STX1A: variants seen among roughly 807,000 people sequenced by gnomAD.
The protein encoded by STX1A is syntaxin-1A.
A neutral mutation model predicts 37.8 loss-of-function variants in STX1A; 4 were observed. That is an observed-to-expected ratio of 0.11 (90% CI 0.05 to 0.24). STX1A has a LOEUF of 0.24. STX1A is among the 10% of genes least tolerant of loss of function. The probability of loss-of-function intolerance (pLI) is 1.00; values close to 1 mark genes in which losing one functional copy is unlikely to be tolerated. For synonymous variants in STX1A, 135 were observed against 147.4 expected (o/e 0.92, Z 0.61); for missense variants, 251 against 399.9 (o/e 0.63, Z 3.18).
rs1281265432 is a variant in STX1A, at chr7:73,709,404, C to T, written c.31-282G>A. 1.3e-5 allele frequency among the ~76,000 whole-genome samples: 2 copies of T among 152,176 alleles called. No individual in the cohort carries two copies. Among genetic ancestry groups the T allele is most frequent in the Admixed American group, 1.3e-4 (2 of 15,280 alleles). On this transcript the variant is annotated intron_variant, in intron 1 of 9. Transcript: ENST00000222812. This position sits in a 1 kb window ranked among gnomAD's most constrained non-coding sequence, Gnocchi z 4.2. The stretch of plus-strand genomic sequence containing the variant: ...CTTCCTCCCTCACCTATCTGCCTGC[C>T]CCCTCCCTGTGGCTGGGGAGGCAAG...
chr7:73,719,581 G>A, intron 1 of STX1A, 21 bp downstream of exon 1: 1 of 1,207,868 alleles, frequency 8.3e-7, no homozygotes. Flanking sequence ...GCGGGCGGCC[G>A]CGCGCTGGGG....
In STX1A at chr7:73,705,825, G is replaced by A. The variant is rs1345905045; in HGVS notation, c.209-601C>T. ...GGTGGGCGCTGATGTGGGCCCTCAGGTCCAAAGAGGTGGGCACAGTTGGCC... is the reference window on the plus strand; with the variant it reads ...GGTGGGCGCTGATGTGGGCCCTCAGATCCAAAGAGGTGGGCACAGTTGGCC... On this transcript the variant is annotated intron_variant, in intron 3 of 9. Transcript: ENST00000222812. The surrounding 1 kb of genome is among the most constrained non-coding windows in gnomAD (Gnocchi z 5.2). 14 of 154,248 alleles carry A rather than the reference G, an allele frequency of 9.1e-5. No homozygotes were observed. The highest frequency in any genetic ancestry group is 3.4e-4 in the African/African-American group (14 of 41,454). 9.6% of individuals were successfully genotyped at this position (154,248 alleles called of 1,614,324 possible). A position where few individuals can be genotyped will look rare whatever the true frequency, so the allele number is the denominator to read the frequency against.
chr7:73,717,560 C>T lies in STX1A; in HGVS notation c.30+2042G>A, dbSNP rs1421741512. Among the ~76,000 whole-genome samples the T allele has an allele frequency of 6.6e-6, 1 of 152,154 alleles. No homozygotes were observed. Among genetic ancestry groups the T allele is most frequent in the Admixed American group, 6.5e-5 (1 of 15,282 alleles). Reference sequence around the variant, plus strand: ...CAGTGGCCCCACCAAGACTGACTGTCTCACCCCACCCCGGGTGGGCTCCTG... The same window carrying T: ...CAGTGGCCCCACCAAGACTGACTGTTTCACCCCACCCCGGGTGGGCTCCTG... On this transcript the variant is annotated intron_variant, in intron 1 of 9. Coordinates refer to ENST00000222812, the MANE Select transcript of STX1A (RefSeq NM_004603.4). This position sits in a 1 kb window ranked among gnomAD's most constrained non-coding sequence, Gnocchi z 4.1.
At chr7:73,716,431 T>C (rs578150981) in intron 1 of STX1A, 18 of 152,480 alleles carry the variant, frequency 1.2e-4, no homozygotes, top group African/African-American at 3.6e-4. Flanking sequence ...CAGGCCTGCC[T>C]GGGCTGCTCC....
At chr7:73,718,080 A>G (rs1367604630) in intron 1 of STX1A, among the ~76,000 whole-genome samples, 1 of 152,096 alleles carries the variant, frequency 6.6e-6, no homozygotes, top group Non-Finnish European at 1.5e-5. Flanking sequence ...ACATCAGCAC[A>G]TTACACCACA....
intron 1 of STX1A, among the ~76,000 whole-genome samples, chr7:73,714,354 C>T (rs1554618389): frequency 6.6e-6 from 1 of 152,000 alleles, no homozygotes; most frequent in African/African-American, 2.4e-5. Context: ...GTGATCCACC[C>T]GCCTCGGTCT....
intron 1 of STX1A, among the ~76,000 whole-genome samples, chr7:73,711,926 G>A (rs1212528915): frequency 6.6e-6 from 1 of 152,076 alleles, no homozygotes; most frequent in Non-Finnish European, 1.5e-5. Context: ...CCAGGCATCC[G>A]GCCAGCTCTG....
intron 1 of STX1A, among the ~76,000 whole-genome samples, chr7:73,712,794 CTTTTT>C (rs1563577977): frequency 6.6e-6 from 1 of 152,122 alleles, no homozygotes; most frequent in African/African-American, 2.4e-5. Context: ...CTAGATTTTT[CTTTTT>C]AAGTATTCCT....
intron 3 of STX1A, among the ~76,000 whole-genome samples, chr7:73,708,262 CAAAAAAA>C (rs1157786155): frequency 6.0e-5 from 3 of 49,798 alleles, no homozygotes; most frequent in Non-Finnish European, 8.3e-5. Flanking sequence ...GACTCCATCT[CAAAAAAA>C]AAAAAAAAAA....
At position 73,706,472 on chromosome 7, in the gene STX1A, G is replaced by A. The variant is rs531055287; in HGVS notation, c.209-1248C>T. On this transcript the variant is annotated intron_variant, in intron 3 of 9. Transcript: ENST00000222812. This position sits in a 1 kb window ranked among gnomAD's most constrained non-coding sequence, Gnocchi z 4.6. ...TGAGACTTCTCCTTAACTCTGTGCC[G>A]CCTGTGCCCTAGAACCCCCAACATG... Among the ~76,000 whole-genome samples, 3 of 152,096 alleles carry A rather than the reference G, an allele frequency of 2.0e-5. No homozygotes were observed. Among genetic ancestry groups the A allele is most frequent in the East Asian group, 1.9e-4 (1 of 5,152 alleles).
chr7:73,707,995 G>T (rs1183281347), intron 3 of STX1A, among the ~76,000 whole-genome samples: 1 of 151,654 alleles, frequency 6.6e-6, no homozygotes, highest in African/African-American at 2.4e-5. Context: ...GCTGGGCGCG[G>T]TGGCTCATGC....
At chr7:73,701,658 T>G (rs1460921722) in intron 8 of STX1A, among the ~76,000 whole-genome samples, 5 of 152,102 alleles carry the variant, frequency 3.3e-5, no homozygotes, top group African/African-American at 1.2e-4. Flanking sequence ...CTAGGGCGTG[T>G]CTCCCTCTCC....
chr7:73,714,303 T>G (rs1799208304), intron 1 of STX1A, among the ~76,000 whole-genome samples: 1 of 152,104 alleles, frequency 6.6e-6, no homozygotes, highest in Non-Finnish European at 1.5e-5. Context: ...AGACGGGGTT[T>G]CACCATGTTG....
intron 1 of STX1A, among the ~76,000 whole-genome samples, chr7:73,711,011 C>CAGGG (rs1799082368): frequency 6.6e-6 from 1 of 150,800 alleles, no homozygotes; most frequent in African/African-American, 2.4e-5. Context: ...TTGATTGAGA[C>CAGGG]AGGGTCTCGC....
chr7:73,705,768 C>T lies in STX1A; in HGVS notation c.209-544G>A, dbSNP rs1011240492. Reference sequence around the variant, plus strand: ...GCCTCCCTGGGTGCTAAGTACCTGGCGGGCGGAAGAGGGCAAGGGGTGGAT... The same window carrying T: ...GCCTCCCTGGGTGCTAAGTACCTGGTGGGCGGAAGAGGGCAAGGGGTGGAT... On this transcript the variant is annotated intron_variant, in intron 3 of 9. Transcript: ENST00000222812. The surrounding 1 kb of genome is among the most constrained non-coding windows in gnomAD (Gnocchi z 5.2). 31 of 155,472 alleles carry T rather than the reference C, an allele frequency of 2.0e-4. No individual in the cohort carries two copies. Among genetic ancestry groups the T allele is most frequent in the South Asian group, 1.2e-3 (6 of 5,046 alleles). The allele number at this position is 155,472 out of a possible 1,614,324, so 9.6% of individuals were successfully genotyped here. A position where few individuals can be genotyped will look rare whatever the true frequency, so the allele number is the denominator to read the frequency against.
rs192036629 is a variant in STX1A, at chr7:73,702,600, C to T, written c.678+245G>A. 399 of 1,218,798 alleles carry T rather than the reference C, an allele frequency of 3.3e-4. 4 individuals are homozygous for T. In the Middle Eastern group the frequency reaches 4.0e-3, roughly 12 times the overall value. 75.5% of individuals were successfully genotyped at this position (1,218,798 alleles called of 1,614,324 possible). A position where few individuals can be genotyped will look rare whatever the true frequency, so the allele number is the denominator to read the frequency against. Reference sequence around the variant, plus strand: ...GAAACAGTAGTAGGGGAATGAGAGACGGCGGGGTATAGAGGGTGGGGCCAT... The same window carrying T: ...GAAACAGTAGTAGGGGAATGAGAGATGGCGGGGTATAGAGGGTGGGGCCAT... On this transcript the variant is annotated intron_variant, in intron 8 of 9. Transcript: ENST00000222812. This position sits in a 1 kb window ranked among gnomAD's most constrained non-coding sequence, Gnocchi z 4.7.
In STX1A at chr7:73,704,342, G is replaced by GGC; in HGVS notation, c.357+6_357+7dup. 1 of 1,614,146 alleles carries GGC rather than the reference G, an allele frequency of 6.2e-7. No homozygotes were observed. Among genetic ancestry groups the GGC allele is most frequent in the African/African-American group, 1.3e-5 (1 of 75,062 alleles). On this transcript the variant is annotated splice_region_variant and intron_variant, in intron 5 of 9. Coordinates refer to ENST00000222812, the MANE Select transcript of STX1A (RefSeq NM_004603.4). ...GGTGCCCGCCCATCCTAGACTCCGT[G>GGC]GCCGCACCTGTGTCTTCCGGATCCT...
At chr7:73,704,464 T>C in intron 4 of STX1A, 41 bp from the exon 5 acceptor site, 1 of 1,611,740 alleles carries the variant, frequency 6.2e-7, no homozygotes. Context: ...CCAGGCCCCT[T>C]CAACCCCGTC....
At chr7:73,718,063 C>T (rs1427730056) in intron 1 of STX1A, among the ~76,000 whole-genome samples, 1 of 152,142 alleles carries the variant, frequency 6.6e-6, no homozygotes, top group African/African-American at 2.4e-5. Context: ...ACCTACCAGG[C>T]GCCTAAACAT....
Sources: gnomAD v4.1 joint callset for allele counts (sites outside exome capture counted in the v4.1 genomes callset) on GRCh38, gnomAD v4.1.1 for gene constraint, Gnocchi (gnomAD v3.1) non-coding constraint, MANE v1.5 for transcripts, NCBI Gene and HGNC (gene_info 2026-07-23, HGNC 2026-07-21) for gene names.